The following FHOD3 variants were observed in gnomAD, a reference collection of about 807,000 sequenced individuals.
FHOD3 encodes the protein formin homology 2 domain containing 3, also known as FH1/FH2 domain-containing protein 3.
In FHOD3, 90 loss-of-function variants were observed where a neutral mutation model predicts 173.0. The observed-to-expected ratio is 0.52, with a 90% CI of 0.44 to 0.62. The LOEUF is 0.62. Ranked by LOEUF, FHOD3 falls within the 20% of genes least tolerant of loss-of-function variation. The pLI is 0.00. For synonymous variants in FHOD3, 828 were observed against 823.0 expected, an observed-to-expected ratio of 1.01 and a Z score of -0.10; for missense variants, 1,945 against 2,034.7, an observed-to-expected ratio of 0.96 and a Z score of 0.85.
At chr18:36,676,765 G>A (rs1001798420) in intron 14 of FHOD3, among the ~76,000 whole-genome samples, 2 of 152,102 alleles carry the variant, frequency 1.3e-5, no homozygotes, top group Non-Finnish European at 2.9e-5. Flanking sequence ...CCTTTTCCCT[G>A]ATTTCTAGTG....
chr18:36,310,335 C>G (rs1183673219), intron 1 of FHOD3, among the ~76,000 whole-genome samples: 2 of 152,166 alleles, frequency 1.3e-5, no homozygotes, highest in Admixed American at 1.3e-4. Context: ...GAAGTAACAA[C>G]TGAAGGCAGC....
intron 27 of FHOD3, among the ~76,000 whole-genome samples, chr18:36,761,865 G>GA (rs1270982815): frequency 6.6e-6 from 1 of 152,156 alleles, no homozygotes; most frequent in East Asian, 1.9e-4. Context: ...TTTGGAGTGT[G>GA]AAAGGGGGTG....
In FHOD3 at chr18:36,652,725, C is replaced by A; in HGVS notation, c.1442C>A (p.Ser481Tyr). ...ACCTGGCACAGTGGGTCCTCTGGGTCTGAGGCCACCCCATCTGCCCTCCTG... is the reference window on the plus strand; with the variant it reads ...ACCTGGCACAGTGGGTCCTCTGGGTATGAGGCCACCCCATCTGCCCTCCTG... ...GTTWHSGSSGSEATPSALLSP... is the reference protein window; with the variant it reads ...GTTWHSGSSGYEATPSALLSP... The change falls in exon 12 of 29, where the codon TCT becomes TAT. Residue 481 changes from serine (S) to tyrosine (Y), a missense_variant. Around this residue, in one of 5 missense-constraint regions of FHOD3, gnomAD observed 1,099 missense variants for 1,051.2 expected, o/e 1.05. Transcript: ENST00000590592. The A allele has an allele frequency of 6.5e-7, 1 of 1,535,774 alleles. No individual in the cohort carries two copies.
Position 36,583,281 on chromosome 18 carries a change from C to T in FHOD3, c.606+6736C>T, listed in dbSNP as rs536309268. On this transcript the variant is annotated intron_variant, in intron 6 of 28. Coordinates refer to ENST00000590592, the MANE Select transcript of FHOD3 (RefSeq NM_001281740.3). ...GATATGCTGCATCTGACAGTCAGTG[C>T]CAGAGCTTTGGGGTCACACACGCCT... is the stretch of plus-strand genomic sequence containing the variant. 1.8e-4 allele frequency among the ~76,000 whole-genome samples: 27 copies of T among 152,270 alleles called. 1 individual carries two copies. The highest frequency in any genetic ancestry group is 5.9e-4 in the Admixed American group (9 of 15,296).
At chr18:36,361,125 C>A (rs534571478) in intron 2 of FHOD3, among the ~76,000 whole-genome samples, 3 of 151,948 alleles carry the variant, frequency 2.0e-5, no homozygotes, top group Admixed American at 2.0e-4. Flanking sequence ...TTGGCTGAAG[C>A]CTTGTGGCTA....
At chr18:36,599,902 A>G (rs983695041) in intron 7 of FHOD3, among the ~76,000 whole-genome samples, 8 of 128,292 alleles carry the variant, frequency 6.2e-5, no homozygotes, top group Admixed American at 8.9e-5. Context: ...TTGAGTATCA[A>G]TTGTGTGCTT....
At chr18:36,411,914 A>G (rs1015941237) in intron 3 of FHOD3, among the ~76,000 whole-genome samples, 3 of 152,232 alleles carry the variant, frequency 2.0e-5, no homozygotes, top group African/African-American at 7.2e-5. Context: ...GCTCCAAGCA[A>G]TGGCGCCTCC....
intron 3 of FHOD3, among the ~76,000 whole-genome samples, chr18:36,394,411 G>A (rs1249318425): frequency 2.0e-5 from 3 of 152,112 alleles, no homozygotes; most frequent in Non-Finnish European, 4.4e-5. Flanking sequence ...TAATTGGATG[G>A]GAAGGAGCCA....
chr18:36,628,114 A>C (rs1033612797), intron 10 of FHOD3, among the ~76,000 whole-genome samples: 2 of 152,226 alleles, frequency 1.3e-5, no homozygotes, highest in Non-Finnish European at 2.9e-5. Flanking sequence ...TTCTAAAAAA[A>C]TATAGGGCAG....
At chr18:36,324,124 A>G (rs1050151264) in intron 1 of FHOD3, among the ~76,000 whole-genome samples, 4 of 152,238 alleles carry the variant, frequency 2.6e-5, no homozygotes, top group Admixed American at 6.5e-5. Context: ...CACACATGCA[A>G]TGGGACAAGA....
At chr18:36,350,978 A>G (rs1474906065) in intron 1 of FHOD3, among the ~76,000 whole-genome samples, 2 of 152,202 alleles carry the variant, frequency 1.3e-5, no homozygotes, top group South Asian at 2.1e-4. Flanking sequence ...GGTCCAGCCA[A>G]GAAGCACTGT....
intron 4 of FHOD3, among the ~76,000 whole-genome samples, chr18:36,505,049 C>T (rs150555351): frequency 6.6e-6 from 1 of 152,320 alleles, no homozygotes; most frequent in East Asian, 1.9e-4. Context: ...CAAGCATGCC[C>T]ACAAAGGGCA....
intron 3 of FHOD3, among the ~76,000 whole-genome samples, chr18:36,397,336 T>C (rs545725231): frequency 1.1e-4 from 16 of 152,368 alleles, no homozygotes; most frequent in Admixed American, 9.1e-4. Context: ...TCTCAGGCTG[T>C]TGGTGGTTTG....
chr18:36,569,470 A>G (rs979889348), intron 5 of FHOD3, among the ~76,000 whole-genome samples: 3 of 152,156 alleles, frequency 2.0e-5, no homozygotes, highest in Admixed American at 2.0e-4. Context: ...TAAGAAATAG[A>G]AAAAATTCTG....
At chr18:36,557,379 A>G (rs1329730509) in intron 5 of FHOD3, among the ~76,000 whole-genome samples, 1 of 151,580 alleles carries the variant, frequency 6.6e-6, no homozygotes, top group African/African-American at 2.4e-5. Flanking sequence ...GTTTGTTTCT[A>G]TTGCTACATC....
At chr18:36,306,298 C>T (rs971551298) in intron 1 of FHOD3, among the ~76,000 whole-genome samples, 2 of 152,172 alleles carry the variant, frequency 1.3e-5, no homozygotes, top group Non-Finnish European at 2.9e-5. Context: ...CCCACAGCCT[C>T]GAGTGTGTTT....
chr18:36,454,249 AGGGCATACACAG>A (rs2052033018), intron 3 of FHOD3, among the ~76,000 whole-genome samples: 1 of 151,774 alleles, frequency 6.6e-6, no homozygotes, highest in East Asian at 1.9e-4. Context: ...CACACATGGG[AGGGCATACACAG>A]GGGCACACAC....
At chr18:36,750,760 G>A (rs1350186455) in intron 24 of FHOD3, among the ~76,000 whole-genome samples, 3 of 152,152 alleles carry the variant, frequency 2.0e-5, no homozygotes, top group Non-Finnish European at 4.4e-5. Flanking sequence ...CCCATTGCTT[G>A]TTTTGTCAGC....
intron 5 of FHOD3, among the ~76,000 whole-genome samples, chr18:36,566,443 T>G (rs1008149396): frequency 5.3e-5 from 8 of 152,136 alleles, no homozygotes; most frequent in African/African-American, 1.9e-4. Flanking sequence ...GTCAAAGCCT[T>G]CAGATGGTAG....
Sources: allele counts gnomAD v4.1 joint callset (sites outside exome capture counted in the v4.1 genomes callset), GRCh38; gene constraint gnomAD v4.1.1; regional missense constraint gnomAD v4.1.1; transcripts MANE v1.5; gene names NCBI Gene and HGNC (gene_info 2026-07-23, HGNC 2026-07-21).